The following PSPC1 variants were observed in gnomAD, a reference collection of about 807,000 sequenced individuals.
PSPC1 encodes the protein paraspeckle component 1.
A neutral mutation model predicts 51.6 loss-of-function variants in PSPC1; 14 were observed. That is an observed-to-expected ratio of 0.27 (90% CI 0.18 to 0.42). PSPC1 has a LOEUF of 0.42. Ranked by LOEUF, PSPC1 falls within the 10% of genes least tolerant of loss-of-function variation. PSPC1 has a pLI of 1.00. For missense variants in PSPC1, 406 were observed against 701.1 expected, an observed-to-expected ratio of 0.58 and a Z score of 4.75; for synonymous variants, 193 against 231.9, an observed-to-expected ratio of 0.83 and a Z score of 1.53.
intron 4 of PSPC1, among the ~76,000 whole-genome samples, chr13:19,744,707 G>A (rs1231825604): frequency 6.6e-6 from 1 of 152,096 alleles, no homozygotes; most frequent in African/African-American, 2.4e-5. Flanking sequence ...TGGGATTATA[G>A]GCGCCCACAA....
At chr13:19,742,332 G>A (rs929459779) in intron 4 of PSPC1, among the ~76,000 whole-genome samples, 3 of 151,706 alleles carry the variant, frequency 2.0e-5, no homozygotes, top group Admixed American at 6.6e-5. Context: ...AAATAGGTAG[G>A]CTGGCTTGTG....
intron 4 of PSPC1, among the ~76,000 whole-genome samples, chr13:19,750,942 T>C (rs1886485097): frequency 1.3e-5 from 2 of 152,078 alleles, no homozygotes; most frequent in East Asian, 1.9e-4. Flanking sequence ...GCTAATTTTG[T>C]ATTTTTAGTA....
intron 6 of PSPC1, among the ~76,000 whole-genome samples, 182 bp from the exon 7 acceptor site, chr13:19,709,781 A>G (rs1158099149): frequency 6.6e-6 from 1 of 152,066 alleles, no homozygotes; most frequent in Non-Finnish European, 1.5e-5. Flanking sequence ...CAGGCTTAAT[A>G]TACTACAAAT....
chr13:19,782,516 C>T lies in PSPC1; in HGVS notation c.242G>A (p.Arg81His). Residue 81 changes from arginine (R) to histidine (H), a missense_variant, in exon 1 of 9, where the codon CGC becomes CAC. Around this residue, in one of 5 missense-constraint regions of PSPC1, gnomAD observed 3 missense variants for 19.1 expected, o/e 0.16. Coordinates refer to ENST00000338910, the MANE Select transcript of PSPC1 (RefSeq NM_001354909.2). This position sits in a 1 kb window ranked among gnomAD's most constrained non-coding sequence, Gnocchi z 4.5. ...LKPGEKTYTQ[R>H]CRLFVGNLPT... ...CAGATTTCCCACGAAGAGGCGGCAG[C>T]GCTGCGTGTACGTCTTCTCGCCCGG... 6.2e-7 allele frequency: 1 copy of T among 1,613,542 alleles called. No individual in the cohort carries two copies. Among genetic ancestry groups the T allele is most frequent in the Non-Finnish European group, 8.5e-7 (1 of 1,179,770 alleles).
chr13:19,671,326 A>C (rs1341559784), downstream of PSPC1: 6 of 1,553,562 alleles, frequency 3.9e-6, no homozygotes, highest in Admixed American at 1.0e-4. Flanking sequence ...GTCACTACTC[A>C]AGTTGTTGCT....
At chr13:19,779,647 C>T (rs1327864323) in intron 1 of PSPC1, among the ~76,000 whole-genome samples, 7 of 56,468 alleles carry the variant, frequency 1.2e-4, no homozygotes, top group African/African-American at 4.3e-4. Context: ...TGAGGAGCCC[C>T]TCTGCCCGGC....
chr13:19,701,586 TAGC>T (rs1179516517), downstream of PSPC1, among the ~76,000 whole-genome samples: 3 of 152,296 alleles, frequency 2.0e-5, no homozygotes, highest in South Asian at 4.1e-4. Context: ...ATCAAAAAAA[TAGC>T]AGAACATGAA....
chr13:19,766,395 A>G (rs1888071501), intron 2 of PSPC1, among the ~76,000 whole-genome samples: 1 of 152,150 alleles, frequency 6.6e-6, no homozygotes, highest in South Asian at 2.1e-4. Flanking sequence ...CAATCAATCA[A>G]TCAATCAATC....
intron 6 of PSPC1, among the ~76,000 whole-genome samples, chr13:19,687,844 CA>C (rs1366935023): frequency 6.6e-6 from 1 of 152,034 alleles, no homozygotes; most frequent in African/African-American, 2.4e-5. Flanking sequence ...ATTCTCTTGC[CA>C]AAAATCTCCT....
rs193150207 is a variant in PSPC1 at position 19,680,004 on chromosome 13, A to G, written c.1159-2181T>C. ...TTTTAGTTGTCAATATTTAATTTCA[A>G]TTTTTAAATTTTTATGTATTTATTT... On this transcript the variant is annotated intron_variant and NMD_transcript_variant, in intron 6 of 7. Transcript: ENST00000471658. 3.9e-3 allele frequency among the ~76,000 whole-genome samples: 590 copies of G among 152,180 alleles called. 4 individuals are homozygous for G. Among genetic ancestry groups the G allele is most frequent in the South Asian group, 8.5e-3 (41 of 4,818 alleles).
At chr13:19,735,909 C>T (rs1190295304) in intron 5 of PSPC1, among the ~76,000 whole-genome samples, 1 of 150,614 alleles carries the variant, frequency 6.6e-6, no homozygotes, top group African/African-American at 2.5e-5. Flanking sequence ...GCAAGCTACG[C>T]CTCCTGGGTT....
At chr13:19,734,801 CA>C (rs889988496) in intron 5 of PSPC1, among the ~76,000 whole-genome samples, 33 of 146,342 alleles carry the variant, frequency 2.3e-4, no homozygotes, top group Non-Finnish European at 3.0e-4. Flanking sequence ...GATTCCTTCT[CA>C]AAAAAAAAAT....
At chr13:19,742,622 C>T (rs1027902627) in intron 4 of PSPC1, among the ~76,000 whole-genome samples, 8 of 152,110 alleles carry the variant, frequency 5.3e-5, no homozygotes, top group Admixed American at 2.0e-4. Context: ...GCCTGTAATT[C>T]CAGCTACTCG....
intron 6 of PSPC1, among the ~76,000 whole-genome samples, chr13:19,688,042 C>T (rs1402478467): frequency 6.6e-6 from 1 of 151,970 alleles, no homozygotes; most frequent in Non-Finnish European, 1.5e-5. Flanking sequence ...AAGTTGATAC[C>T]TAGGTATTTC....
chr13:19,673,085 A>G (rs748042922), downstream of PSPC1: 2 of 360,118 alleles, frequency 5.6e-6, no homozygotes, highest in South Asian at 1.7e-5. Flanking sequence ...TGGAACCTAT[A>G]CGGTTTTTTT....
At chr13:19,754,588 C>T (rs1179008428) in intron 3 of PSPC1, among the ~76,000 whole-genome samples, 2 of 150,556 alleles carry the variant, frequency 1.3e-5, no homozygotes, top group African/African-American at 2.4e-5. Flanking sequence ...TACAGGTGCA[C>T]GCCACCACGT....
At chr13:19,694,648 A>G (rs1029119646) in intron 6 of PSPC1, among the ~76,000 whole-genome samples, 3 of 152,212 alleles carry the variant, frequency 2.0e-5, no homozygotes, top group African/African-American at 7.2e-5. Flanking sequence ...TATGCTTAAT[A>G]TTCTATCAAT....
chr13:19,729,495 C>T (rs760605061), intron 6 of PSPC1, among the ~76,000 whole-genome samples: 9 of 150,898 alleles, frequency 6.0e-5, no homozygotes, highest in Non-Finnish European at 1.0e-4. Context: ...TGAGATTGTG[C>T]CACTGCACTC....
intron 6 of PSPC1, among the ~76,000 whole-genome samples, chr13:19,716,132 C>T (rs1281046956): frequency 6.6e-6 from 1 of 152,092 alleles, no homozygotes; most frequent in African/African-American, 2.4e-5. Context: ...GTCCCATCCC[C>T]AAGATATCTC....
Sources: allele counts gnomAD v4.1 joint callset (sites outside exome capture counted in the v4.1 genomes callset), GRCh38; gene constraint gnomAD v4.1.1; regional missense constraint gnomAD v4.1.1; non-coding constraint Gnocchi (gnomAD v3.1); transcripts MANE v1.5; gene names NCBI Gene and HGNC (gene_info 2026-07-23, HGNC 2026-07-21).